Variants in DNAH7 observed in about 807,000 individuals in gnomAD.
The protein encoded by DNAH7 is axonemal beta dynein heavy chain 7.
A neutral mutation model predicts 444.6 loss-of-function variants in DNAH7; 397 were observed. The ratio of observed to expected loss-of-function variants is 0.89; its 90% CI spans 0.82 to 0.97. The LOEUF (loss-of-function observed/expected upper bound fraction) is 0.97. Among genes scored for constraint, DNAH7 ranks in the 50% least tolerant of loss-of-function variants. The pLI is 0.00. For missense variants in DNAH7, 4,902 were observed against 4,800.8 expected (o/e 1.02, Z -0.62); for synonymous variants, 1,636 against 1,624.4 (o/e 1.01, Z -0.17).
intron 5 of DNAH7, among the ~76,000 whole-genome samples, chr2:196,031,129 T>C (rs1696031696): frequency 6.6e-6 from 1 of 152,240 alleles, no homozygotes; most frequent in Non-Finnish European, 1.5e-5. Context: ...TAGGTGAAGG[T>C]TCCCAAAGCC....
intron 60 of DNAH7, 135 bp downstream of exon 60, chr2:195,775,711 G>A: frequency 2.2e-6 from 2 of 900,568 alleles, no homozygotes; most frequent in East Asian, 2.8e-5. Context: ...AGTTATGTAT[G>A]TATTTTTGTC....
chr2:195,855,118 T>C (rs1157376531), intron 45 of DNAH7, among the ~76,000 whole-genome samples: 3 of 152,188 alleles, frequency 2.0e-5, no homozygotes, highest in Non-Finnish European at 4.4e-5. Flanking sequence ...ACAAAATCAT[T>C]ACTTCCCTCA....
intron 64 of DNAH7, among the ~76,000 whole-genome samples, chr2:195,740,134 C>T (rs1692909757): frequency 6.6e-6 from 1 of 152,162 alleles, no homozygotes. Flanking sequence ...CAGGCACCTG[C>T]CAACACACCC....
At chr2:196,012,693 T>G in intron 10 of DNAH7, 94 bp downstream of exon 10, 1 of 1,283,666 alleles carries the variant, frequency 7.8e-7, no homozygotes, top group Non-Finnish European at 1.1e-6. Context: ...ATTTAAAACA[T>G]TAAAATTGGA....
In DNAH7 at chr2:196,027,971, T is replaced by C. The variant is rs62203391; in HGVS notation, c.475A>G (p.Lys159Glu). Residue 159 changes from lysine (K) to glutamate (E), a missense_variant, in exon 6 of 65, where the codon AAA (lysine) becomes GAA (glutamate). Lys to Glu is a moderately conservative substitution (Grantham distance 56). Coordinates refer to ENST00000312428, the MANE Select transcript of DNAH7 (RefSeq NM_018897.3). Reference protein sequence around the residue: ...IPKPTASAIEKDILRYYYYIH... With the variant: ...IPKPTASAIEEDILRYYYYIH... Reference sequence around the variant, plus strand: ...AAATGGCCAGTTACCAAGATGTCTTTCTCTATAGCAGAAGCGGTCGGTTTT... The same window carrying C: ...AAATGGCCAGTTACCAAGATGTCTTCCTCTATAGCAGAAGCGGTCGGTTTT... 0.065 allele frequency: 105,450 copies of C among 1,611,392 alleles called. 3,952 individuals are homozygous for C. Among genetic ancestry groups the C allele is most frequent in the Non-Finnish European group, 0.077 (90,756 of 1,178,388 alleles).
At chr2:195,965,069 G>C (rs896668644) in intron 17 of DNAH7, among the ~76,000 whole-genome samples, 8 of 152,018 alleles carry the variant, frequency 5.3e-5, no homozygotes, top group African/African-American at 1.7e-4. Context: ...CTTTCTTTCA[G>C]TTTTTCCCCA....
chr2:195,817,935 T>A, intron 49 of DNAH7, 106 bp from the exon 50 acceptor site: 1 of 730,484 alleles, frequency 1.4e-6, no homozygotes, highest in Non-Finnish European at 2.1e-6. Context: ...TTACTATATA[T>A]GGTAGTACTT....
chr2:195,894,019 G>A (rs1252473767), intron 30 of DNAH7: 1 of 151,784 alleles, frequency 6.6e-6, no homozygotes, highest in Non-Finnish European at 1.5e-5. Context: ...GTGAAAAAAT[G>A]GAAGAAAAAA....
intron 41 of DNAH7, 111 bp downstream of exon 41, chr2:195,864,038 G>A (rs923406240): frequency 3.0e-6 from 3 of 1,000,466 alleles, no homozygotes; most frequent in Admixed American, 2.7e-5. Flanking sequence ...AGAAGATTCT[G>A]CTAAACAATA....
chr2:195,850,881 A>C, intron 46 of DNAH7, among the ~76,000 whole-genome samples: 1 of 152,316 alleles, frequency 6.6e-6, no homozygotes, highest in East Asian at 1.9e-4. Context: ...TAGATGCCAC[A>C]GGGAGCCTCC....
chr2:195,772,553 G>C (rs1433269125), intron 60 of DNAH7, among the ~76,000 whole-genome samples: 4 of 151,998 alleles, frequency 2.6e-5, no homozygotes, highest in African/African-American at 9.7e-5. Flanking sequence ...TAAATCCTCA[G>C]AACAAATGAA....
Position 195,884,568 on chromosome 2 carries a change from T to G in DNAH7, c.5763+17A>C. On this transcript the variant is annotated intron_variant, in intron 35 of 64. Coordinates refer to ENST00000312428, the MANE Select transcript of DNAH7 (RefSeq NM_018897.3). ...CTGCCAGGCTGGCAGCTGCAAATCT[T>G]GCTTCAGAACTCTTACCTCAGTGAC... 1 of 1,601,970 alleles carries G rather than the reference T, an allele frequency of 6.2e-7. No individual in the cohort carries two copies. The highest frequency in any genetic ancestry group is 1.1e-5 in the South Asian group (1 of 90,548).
At chr2:196,024,011 G>T (rs1331748888) in intron 8 of DNAH7, among the ~76,000 whole-genome samples, 1 of 152,164 alleles carries the variant, frequency 6.6e-6, no homozygotes, top group Non-Finnish European at 1.5e-5. Context: ...GGTGCAGTTT[G>T]TGGCTTTCCA....
chr2:196,021,175 T>C (rs183996989), intron 8 of DNAH7, among the ~76,000 whole-genome samples: 11 of 152,322 alleles, frequency 7.2e-5, no homozygotes, highest in Non-Finnish European at 1.3e-4. Context: ...ATCTGAAGTC[T>C]GTGCTAGTTG....
chr2:196,051,270 G>C, intron 2 of DNAH7, 21 bp from the exon 3 acceptor site: 4 of 1,602,632 alleles, frequency 2.5e-6, no homozygotes, highest in Non-Finnish European at 3.4e-6. Flanking sequence ...AATATGAAGG[G>C]GAAAAAAGTG....
At chr2:196,068,392 T>G (rs1698546242) in intron 1 of DNAH7, 1 of 426,826 alleles carries the variant, frequency 2.3e-6, no homozygotes, top group South Asian at 5.4e-5. Flanking sequence ...CAGAGCCGCC[T>G]CTCACCCAAG....
chr2:195,940,646 T>A (rs1274628142), intron 19 of DNAH7, among the ~76,000 whole-genome samples: 1 of 151,302 alleles, frequency 6.6e-6, no homozygotes, highest in Non-Finnish European at 1.5e-5. Context: ...AGGGCTAATA[T>A]CCAGAATCTA....
intron 12 of DNAH7, chr2:195,994,554 T>G (rs146223174): frequency 5.0e-5 from 24 of 482,578 alleles, no homozygotes; most frequent in Non-Finnish European, 8.1e-5. Context: ...GTCTTGGTTG[T>G]TTGTTTTCAC....
intron 53 of DNAH7, among the ~76,000 whole-genome samples, chr2:195,807,096 G>A (rs914393629): frequency 1.1e-4 from 17 of 151,588 alleles, no homozygotes; most frequent in Admixed American, 1.1e-3. Context: ...TCCCTATTAT[G>A]AAAAAAGTAA....
Sources: allele counts gnomAD v4.1 joint callset (sites outside exome capture counted in the v4.1 genomes callset), GRCh38; gene constraint gnomAD v4.1.1; transcripts MANE v1.5; gene names NCBI Gene and HGNC (gene_info 2026-07-23, HGNC 2026-07-21).